Variants in MAP3K5 observed in about 807,000 individuals in gnomAD.
MAP3K5 encodes mitogen-activated protein kinase kinase kinase 5, also known as ASK-1.
MAP3K5 carries 56 observed loss-of-function variants against 158.7 expected under a neutral mutation model. The observed-to-expected ratio is 0.35, with a 90% CI of 0.28 to 0.44. The LOEUF (loss-of-function observed/expected upper bound fraction) is 0.44. Ranked by LOEUF, MAP3K5 falls within the 20% of genes least tolerant of loss-of-function variation. MAP3K5 has a pLI of 1.00. For missense variants in MAP3K5, 1,294 were observed against 1,674.8 expected (o/e 0.77, Z 3.97); for synonymous variants, 579 against 601.7 (o/e 0.96, Z 0.55).
intron 26 of MAP3K5, among the ~76,000 whole-genome samples, chr6:136,565,022 G>C (rs1057359073): frequency 2.0e-4 from 31 of 152,306 alleles, no homozygotes; most frequent in African/African-American, 7.2e-4. Flanking sequence ...TGAATCTGCT[G>C]TGATTCTAGA....
chr6:136,588,878 C>A (rs1435253436), intron 23 of MAP3K5, among the ~76,000 whole-genome samples: 1 of 152,244 alleles, frequency 6.6e-6, no homozygotes, highest in Admixed American at 6.5e-5. Context: ...AGAGCACCTT[C>A]TTCCTGGGCC....
intron 15 of MAP3K5, among the ~76,000 whole-genome samples, chr6:136,621,615 T>G (rs1251423853): frequency 6.6e-6 from 1 of 152,198 alleles, no homozygotes; most frequent in Non-Finnish European, 1.5e-5. Flanking sequence ...AGTGAGCCAG[T>G]GCCCCTGGGC....
At chr6:136,604,229 C>T (rs141960121) in intron 19 of MAP3K5, among the ~76,000 whole-genome samples, 1,525 of 151,302 alleles carry the variant, frequency 0.01, 6 homozygotes, top group Non-Finnish European at 0.016. Context: ...GGCTGAGGCA[C>T]GAGAATTGCT....
At chr6:136,731,666 G>C (rs1582601981) in intron 1 of MAP3K5, among the ~76,000 whole-genome samples, 1 of 152,086 alleles carries the variant, frequency 6.6e-6, no homozygotes, top group South Asian at 2.1e-4. Context: ...GGGGAGGTGA[G>C]GGACAAATTT....
chr6:136,571,998 C>T (rs546635965), intron 25 of MAP3K5, among the ~76,000 whole-genome samples: 59 of 152,254 alleles, frequency 3.9e-4, no homozygotes, highest in Admixed American at 3.2e-3. Context: ...ATTGATAGTA[C>T]GGTAGGAGTA....
chr6:136,598,006 G>T (rs926501794), intron 21 of MAP3K5, among the ~76,000 whole-genome samples: 1 of 152,154 alleles, frequency 6.6e-6, no homozygotes, highest in Non-Finnish European at 1.5e-5. Flanking sequence ...AGAATCATAG[G>T]TCCAGTGCTG....
In MAP3K5 at chr6:136,787,184, G is replaced by A. The variant is rs115589766; in HGVS notation, c.448+4526C>T. ...TTGAGACCTGCCTAGGCAATATAGC[G>A]AGACCCCATTCTCCACAAAAAGGAA... On this transcript the variant is annotated intron_variant, in intron 1 of 29. Transcript: ENST00000359015. Among the ~76,000 whole-genome samples the A allele has an allele frequency of 4.3e-3, 659 of 152,126 alleles. 2 individuals carry two copies. The highest frequency in any genetic ancestry group is 0.015 in the African/African-American group (620 of 41,490).
chr6:136,684,651 T>C (rs933765523), intron 7 of MAP3K5, among the ~76,000 whole-genome samples: 1 of 152,154 alleles, frequency 6.6e-6, no homozygotes, highest in African/African-American at 2.4e-5. Flanking sequence ...CCTTGAAAGC[T>C]GGCTCTCCTC....
At chr6:136,662,050 G>A (rs1779028409) in intron 8 of MAP3K5, among the ~76,000 whole-genome samples, 1 of 152,148 alleles carries the variant, frequency 6.6e-6, no homozygotes, top group Non-Finnish European at 1.5e-5. Context: ...GCAGATGGGT[G>A]GCCATTTTTA....
chr6:136,716,027 CAAAAAAAAAAAAAAAAAAAAAAAAAA>C (rs60678515), intron 2 of MAP3K5, among the ~76,000 whole-genome samples: 2 of 23,022 alleles, frequency 8.7e-5, no homozygotes, highest in South Asian at 2.6e-3. Context: ...AAGATCGTCT[CAAAAAAAAAAAAAAAAAAAAAAAAAA>C]AAAAAAAAAA....
At chr6:136,627,438 C>T (rs572402690) in intron 14 of MAP3K5, among the ~76,000 whole-genome samples, 22 of 152,296 alleles carry the variant, frequency 1.4e-4, no homozygotes, top group South Asian at 4.1e-4. Flanking sequence ...TGTTACTTTC[C>T]GGATGAAATC....
intron 1 of MAP3K5, among the ~76,000 whole-genome samples, chr6:136,744,180 T>C (rs143758114): frequency 6.6e-6 from 1 of 152,230 alleles, no homozygotes; most frequent in Non-Finnish European, 1.5e-5. Context: ...GATAATGATG[T>C]GTCAATGTAA....
chr6:136,753,087 C>A (rs1783295107), intron 1 of MAP3K5, among the ~76,000 whole-genome samples: 1 of 152,184 alleles, frequency 6.6e-6, no homozygotes, highest in African/African-American at 2.4e-5. Context: ...GTACTTATCC[C>A]AACAGGAACC....
chr6:136,664,045 G>A (rs563712931), intron 8 of MAP3K5, among the ~76,000 whole-genome samples: 41 of 152,274 alleles, frequency 2.7e-4, no homozygotes, highest in African/African-American at 7.9e-4. Flanking sequence ...TGACCTGTTA[G>A]GAATGGGGCC....
intron 23 of MAP3K5, among the ~76,000 whole-genome samples, chr6:136,586,101 C>T (rs1363443023): frequency 6.6e-6 from 1 of 152,152 alleles, no homozygotes; most frequent in African/African-American, 2.4e-5. Flanking sequence ...TATTGAAAAG[C>T]TTGAAAGCTG....
rs1775903599 is a variant in MAP3K5, at chr6:136,602,084, T to C, written c.2680-105A>G. 3.6e-6 allele frequency: 3 copies of C among 823,446 alleles called. No homozygotes were observed. In the South Asian group the frequency reaches 5.1e-5, roughly 14 times the overall value. 51.0% of individuals were successfully genotyped at this position (823,446 alleles called of 1,614,324 possible). A position where few individuals can be genotyped will look rare whatever the true frequency, so the allele number is the denominator to read the frequency against. On this transcript the variant is annotated intron_variant, in intron 19 of 29. Transcript: ENST00000359015. The stretch of plus-strand genomic sequence containing the variant: ...CCCCCCAATGCAACAAGATCCCTTA[T>C]CATACAACACAAACTTATGGCTTTT...
intron 14 of MAP3K5, among the ~76,000 whole-genome samples, chr6:136,628,448 A>G (rs926724014): frequency 1.3e-5 from 2 of 151,322 alleles, no homozygotes; most frequent in Non-Finnish European, 2.9e-5. Context: ...CTGCTATGTT[A>G]CCCAGGCTGG....
intron 19 of MAP3K5, among the ~76,000 whole-genome samples, chr6:136,604,035 C>A (rs912727352): frequency 6.6e-6 from 1 of 152,346 alleles, no homozygotes; most frequent in Non-Finnish European, 1.5e-5. Flanking sequence ...ATCAAAAGTC[C>A]TCTCAGGCCA....
chr6:136,657,822 A>G (rs1178354934), intron 9 of MAP3K5, among the ~76,000 whole-genome samples: 1 of 152,252 alleles, frequency 6.6e-6, no homozygotes, highest in African/African-American at 2.4e-5. Flanking sequence ...TCAGACACTC[A>G]TGCATGAAAC....
Sources: gnomAD v4.1 joint callset for allele counts (sites outside exome capture counted in the v4.1 genomes callset) on GRCh38, gnomAD v4.1.1 for gene constraint, MANE v1.5 for transcripts, NCBI Gene and HGNC (gene_info 2026-07-23, HGNC 2026-07-21) for gene names.